Variants in LEPROTL1 observed in about 807,000 individuals in gnomAD.
The protein encoded by LEPROTL1 is leptin receptor overlapping transcript-like 1.
A neutral mutation model predicts 15.4 loss-of-function variants in LEPROTL1; 6 were observed. The observed-to-expected ratio is 0.39, with a 90% CI of 0.21 to 0.77. The LOEUF (loss-of-function observed/expected upper bound fraction) is 0.77. LEPROTL1 is among the 30% of genes least tolerant of loss of function. LEPROTL1 has a pLI of 0.41. For missense variants in LEPROTL1, 128 were observed against 158.1 expected (o/e 0.81, Z 1.02); for synonymous variants, 56 against 52.6 (o/e 1.06, Z -0.28).
intron 3 of LEPROTL1, among the ~76,000 whole-genome samples, chr8:30,105,489 C>T (rs984538027): frequency 9.3e-5 from 14 of 150,052 alleles, no homozygotes; most frequent in Admixed American, 5.3e-4. Flanking sequence ...AATGAAAATA[C>T]TAGTATAAAA....
At chr8:30,133,334 G>A (rs138505311) in intron 4 of LEPROTL1, among the ~76,000 whole-genome samples, 4 of 152,236 alleles carry the variant, frequency 2.6e-5, no homozygotes, top group African/African-American at 4.8e-5. Context: ...CACTTTTTGC[G>A]TTGTTTGAAT....
intron 3 of LEPROTL1, 106 bp downstream of exon 3, chr8:30,104,592 A>G: frequency 1.7e-6 from 1 of 601,498 alleles, no homozygotes; most frequent in Non-Finnish European, 2.7e-6. Flanking sequence ...AAGACATAAG[A>G]GCCTAGAAGA....
chr8:30,127,422 A>T (rs1346639598), intron 3 of LEPROTL1, among the ~76,000 whole-genome samples: 2 of 152,196 alleles, frequency 1.3e-5, no homozygotes, highest in Non-Finnish European at 2.9e-5. Flanking sequence ...CGCTGTTTCC[A>T]TGGGTTACTG....
At chr8:30,110,976 C>T (rs1802646899), downstream of LEPROTL1, among the ~76,000 whole-genome samples, 1 of 152,076 alleles carries the variant, frequency 6.6e-6, no homozygotes, top group African/African-American at 2.4e-5. Context: ...CATGTAAATA[C>T]AACTGTGACA....
chr8:30,117,508 G>A lies in LEPROTL1; in HGVS notation c.279+13022G>A. 5 of 1,393,818 alleles carry A rather than the reference G, an allele frequency of 3.6e-6. No individual in the cohort carries two copies. In the South Asian group the frequency reaches 5.8e-5, roughly 16 times the overall value. 86.3% of individuals were successfully genotyped at this position (1,393,818 alleles called of 1,614,324 possible). A position where few individuals can be genotyped will look rare whatever the true frequency, so the allele number is the denominator to read the frequency against. ...CTGAAGGGATGGAAACAGATTTTCT[G>A]CCATTTTTCCAGATCTTTGAGTTGC... On this transcript the variant is annotated intron_variant, in intron 3 of 4. Coordinates refer to the LEPROTL1 transcript ENST00000442880.
Position 30,106,462 on chromosome 8 carries a change from G to A in LEPROTL1, c.*600G>A, listed in dbSNP as rs756882237. 1.0e-6 allele frequency: 1 copy of A among 985,708 alleles called. No individual in the cohort carries two copies. Among genetic ancestry groups the A allele is most frequent in the Non-Finnish European group, 1.2e-6 (1 of 829,938 alleles). 61.1% of individuals were successfully genotyped at this position (985,708 alleles called of 1,614,324 possible). A position where few individuals can be genotyped will look rare whatever the true frequency, so the allele number is the denominator to read the frequency against. On this transcript the variant is annotated 3_prime_UTR_variant, in exon 4 of 4. Coordinates refer to ENST00000321250, the MANE Select transcript of LEPROTL1 (RefSeq NM_015344.3). ...ATGCCCATGCCCTCCGTTAAGGGTT[G>A]TTGGTTTTACTGGTAGACAGATGTT...
chr8:30,109,549 A>C (rs1802624419), downstream of LEPROTL1, among the ~76,000 whole-genome samples: 1 of 152,338 alleles, frequency 6.6e-6, no homozygotes, highest in African/African-American at 2.4e-5. Context: ...CTATCATCAT[A>C]AACTATTTCC....
intron 3 of LEPROTL1, among the ~76,000 whole-genome samples, chr8:30,129,797 G>C (rs1802968157): frequency 6.6e-6 from 1 of 151,144 alleles, no homozygotes; most frequent in Non-Finnish European, 1.5e-5. Flanking sequence ...AAGAAAAGAG[G>C]TTTAATTGGC....
intron 3 of LEPROTL1, among the ~76,000 whole-genome samples, chr8:30,115,789 A>G (rs1286856736): frequency 6.6e-6 from 1 of 152,066 alleles, no homozygotes; most frequent in Non-Finnish European, 1.5e-5. Context: ...ATGATACTTT[A>G]TATTACCCAC....
chr8:30,096,083 T>A (rs1802360110), intron 1 of LEPROTL1: 1 of 165,552 alleles, frequency 6.0e-6, no homozygotes, highest in Admixed American at 6.5e-5. Flanking sequence ...CATTTTCATC[T>A]GCGGTGTCTG....
intron 2 of LEPROTL1, among the ~76,000 whole-genome samples, chr8:30,103,266 AC>A: frequency 6.6e-6 from 1 of 152,342 alleles, no homozygotes; most frequent in Non-Finnish European, 1.5e-5. Context: ...TTGTTAGAAA[AC>A]TGCAGGGACC....
At chr8:30,096,388 C>T in intron 1 of LEPROTL1, 1 of 985,324 alleles carries the variant, frequency 1.0e-6, no homozygotes, top group Non-Finnish European at 1.2e-6. Flanking sequence ...TCTTGACCTG[C>T]CGCTCTGTAG....
chr8:30,107,831 T>C lies in LEPROTL1; in HGVS notation c.*1969T>C. On this transcript the variant is annotated 3_prime_UTR_variant, in exon 4 of 4. Transcript: ENST00000321250. Reference sequence around the variant, plus strand: ...GTCAGTGCAGTGCACTGCTACTGTTTTATCCACTTGGCCACAGACTTTTTC... The same window carrying C: ...GTCAGTGCAGTGCACTGCTACTGTTCTATCCACTTGGCCACAGACTTTTTC... The C allele has an allele frequency of 1.0e-6, 1 of 985,446 alleles. No homozygotes were observed. The highest frequency in any genetic ancestry group is 4.7e-5 in the South Asian group (1 of 21,292). The allele number at this position is 985,446 out of a possible 1,614,324, so 61.0% of individuals were successfully genotyped here.
In LEPROTL1 at chr8:30,105,832, C is replaced by T; in HGVS notation, c.366C>T (p.Ser122=). 1 of 1,555,946 alleles carries T rather than the reference C, an allele frequency of 6.4e-7. No individual in the cohort carries two copies. Among genetic ancestry groups the T allele is most frequent in the Non-Finnish European group, 8.7e-7 (1 of 1,154,864 alleles). Residue 122 remains serine (S), a synonymous_variant, in exon 4 of 4, where the codon AGC becomes AGT. Transcript: ENST00000321250. ...TILGFFLVFG[S]NDDFSWQQW ...TAGGCTTTTTCTTGGTCTTTGGAAG[C>T]AATGACGACTTCAGCTGGCAGCAGT...
chr8:30,104,177 C>G, intron 2 of LEPROTL1, 123 bp from the exon 3 acceptor site: 1 of 495,520 alleles, frequency 2.0e-6, no homozygotes, highest in Non-Finnish European at 3.4e-6. Context: ...CAGCTTTATG[C>G]TAAGGTTGGG....
chr8:30,130,050 C>G (rs1802974688), intron 3 of LEPROTL1, among the ~76,000 whole-genome samples: 2 of 152,188 alleles, frequency 1.3e-5, no homozygotes, highest in African/African-American at 4.8e-5. Context: ...CCAGGCCCCT[C>G]TTCCGACACT....
chr8:30,120,226 C>T (rs1008921660), intron 3 of LEPROTL1, among the ~76,000 whole-genome samples: 1 of 152,108 alleles, frequency 6.6e-6, no homozygotes, highest in Non-Finnish European at 1.5e-5. Flanking sequence ...CCAAATAGCT[C>T]ATCCCTTTGA....
intron 3 of LEPROTL1, among the ~76,000 whole-genome samples, chr8:30,128,886 C>T (rs1802947245): frequency 8.8e-6 from 1 of 113,662 alleles, no homozygotes; most frequent in East Asian, 2.5e-4. Flanking sequence ...ATAAAAAGCA[C>T]TCTGTTTTTC....
intron 3 of LEPROTL1, among the ~76,000 whole-genome samples, chr8:30,115,699 A>T (rs1802730842): frequency 6.6e-6 from 1 of 151,878 alleles, no homozygotes; most frequent in South Asian, 2.1e-4. Flanking sequence ...CTGAATAAAA[A>T]CCTGTAAGTG....
Sources: gnomAD v4.1 joint callset for allele counts (sites outside exome capture counted in the v4.1 genomes callset) on GRCh38, gnomAD v4.1.1 for gene constraint, MANE v1.5 for transcripts, NCBI Gene and HGNC (gene_info 2026-07-23, HGNC 2026-07-21) for gene names.